ACSBG1: variants seen among roughly 807,000 people sequenced by gnomAD.
The protein encoded by ACSBG1 is long-chain-fatty-acid--CoA ligase ACSBG1.
In ACSBG1, 39 loss-of-function variants were observed where a neutral mutation model predicts 80.2. That is an observed-to-expected ratio of 0.49 (90% CI 0.38 to 0.64). The LOEUF is 0.64. Among genes scored for constraint, ACSBG1 ranks in the 30% least tolerant of loss-of-function variants. ACSBG1 has a pLI of 0.00. For synonymous variants in ACSBG1, 392 were observed against 379.5 expected, an observed-to-expected ratio of 1.03 and a Z score of -0.38; for missense variants, 828 against 966.4, an observed-to-expected ratio of 0.86 and a Z score of 1.90.
At position 78,174,376 on chromosome 15, in the gene ACSBG1, C is replaced by G. The variant is rs368704423; in HGVS notation, c.1842+9G>C. 51 of 1,614,090 alleles carry G rather than the reference C, an allele frequency of 3.2e-5. No homozygotes were observed. The highest frequency in any genetic ancestry group is 4.2e-5 in the Non-Finnish European group (49 of 1,180,038). On this transcript the variant is annotated intron_variant, in intron 12 of 13. Coordinates refer to ENST00000258873, the MANE Select transcript of ACSBG1 (RefSeq NM_015162.5). The stretch of plus-strand genomic sequence containing the variant: ...CTGCTCCTTCTGAGCTGGAGCCCCC[C>G]AGACACACCTTCAAGGTGAGCAGCA...
intron 2 of ACSBG1, 85 bp downstream of exon 2, chr15:78,207,917 T>TCCCCCCCACCACCCCCCC: frequency 4.6e-6 from 4 of 876,064 alleles, no homozygotes; most frequent in Admixed American, 2.0e-5. Flanking sequence ...TGTGTGGTGG[T>TCCCCCCCACCACCCCCCC]CCCCCACACC....
intron 1 of ACSBG1, among the ~76,000 whole-genome samples, chr15:78,232,760 C>CGGG (rs2075457600): frequency 6.6e-6 from 1 of 151,850 alleles, no homozygotes; most frequent in East Asian, 1.9e-4. Flanking sequence ...TCTTGACTCA[C>CGGG]TGCAATTTCC....
At chr15:78,179,443 C>G in intron 10 of ACSBG1, 107 bp downstream of exon 10, 1 of 1,068,546 alleles carries the variant, frequency 9.4e-7, no homozygotes, top group Admixed American at 2.2e-5. Context: ...CTCTGGGACC[C>G]AACTGGCATG....
intron 10 of ACSBG1, 197 bp from the exon 11 acceptor site, chr15:78,179,028 G>A: frequency 1.2e-5 from 7 of 581,510 alleles, no homozygotes; most frequent in South Asian, 6.6e-5. Flanking sequence ...AAGGAAGGAA[G>A]GAACAAATGA....
In ACSBG1 at chr15:78,178,719, C is replaced by T. The variant is rs114352168; in HGVS notation, c.1597G>A (p.Glu533Lys). 421 of 1,614,158 alleles carry T rather than the reference C, an allele frequency of 2.6e-4. 2 individuals carry two copies. In the African/African-American group the frequency reaches 5.2e-3, roughly 20 times the overall value. The change falls in exon 11 of 14, where the codon GAG becomes AAG. Residue 533 changes from glutamate (E) to lysine (K), a missense_variant. Glu to Lys is a moderately conservative substitution (Grantham distance 56, BLOSUM62 1). Coordinates refer to ENST00000258873, the MANE Select transcript of ACSBG1 (RefSeq NM_015162.5). The surrounding 1 kb of genome is among the most constrained non-coding windows in gnomAD (Gnocchi z 4.3). ...TCGATGGCCTCACAAGTCTTGTCCT[C>T]CATGTTCAGGTAGCCCATGAATATG... ...RTIFMGYLNM[E>K]DKTCEAIDEE...
At chr15:78,207,639 C>CA (rs1231916984) in intron 2 of ACSBG1, 1 of 255,438 alleles carries the variant, frequency 3.9e-6, no homozygotes, top group East Asian at 7.8e-5. Flanking sequence ...CCAAAAATCC[C>CA]AAGGCATTGC....
rs553734865 is a variant in ACSBG1, at chr15:78,187,369, C to CA, written c.664-4585dup. Among the ~76,000 whole-genome samples the CA allele has an allele frequency of 7.7e-3, 1,168 of 151,952 alleles. 24 individuals carry two copies. The highest frequency in any genetic ancestry group is 0.027 in the African/African-American group (1,109 of 41,474). ...TACCAAAGCCTGGCAGAGACACAAC[C>CA]AAAAAAGAGAATTTTAGACCAATAT... On this transcript the variant is annotated intron_variant, in intron 5 of 13. Coordinates refer to ENST00000258873, the MANE Select transcript of ACSBG1 (RefSeq NM_015162.5).
Position 78,172,957 on chromosome 15 carries a change from G to A in ACSBG1, c.2089+636C>T, listed in dbSNP as rs1174130251. On this transcript the variant is annotated intron_variant, in intron 13 of 13. Coordinates refer to ENST00000258873, the MANE Select transcript of ACSBG1 (RefSeq NM_015162.5). This position sits in a 1 kb window ranked among gnomAD's most constrained non-coding sequence, Gnocchi z 4.1. Reference sequence around the variant, plus strand: ...TGACTCCAGGCTGAACACTAGCAGGGCCTTGGTGTTGGCCTGGTAGTTCCA... The same window carrying A: ...TGACTCCAGGCTGAACACTAGCAGGACCTTGGTGTTGGCCTGGTAGTTCCA... 6.6e-6 allele frequency among the ~76,000 whole-genome samples: 1 copy of A among 152,222 alleles called. No individual in the cohort carries two copies. Among genetic ancestry groups the A allele is most frequent in the African/African-American group, 2.4e-5 (1 of 41,456 alleles).
chr15:78,194,147 G>T, intron 3 of ACSBG1, 127 bp from the exon 4 acceptor site: 1 of 891,534 alleles, frequency 1.1e-6, no homozygotes, highest in Non-Finnish European at 1.8e-6. Context: ...CCCTCAGTCA[G>T]AGAATCCCCT....
intron 5 of ACSBG1, among the ~76,000 whole-genome samples, chr15:78,187,715 A>G (rs1296191720): frequency 6.6e-6 from 1 of 152,224 alleles, no homozygotes; most frequent in Non-Finnish European, 1.5e-5. Context: ...CACAGCCAAT[A>G]TCATGCTGAA....
At chr15:78,207,596 C>T (rs113143305) in intron 2 of ACSBG1, 139 of 211,358 alleles carry the variant, frequency 6.6e-4, no homozygotes, top group Non-Finnish European at 1.8e-4. Context: ...TAGCCTGCAC[C>T]CGTCTGCCTG....
Position 78,220,259 on chromosome 15 carries a change from G to A in ACSBG1, c.132-12157C>T, listed in dbSNP as rs146431248. Among the ~76,000 whole-genome samples the A allele has an allele frequency of 5.4e-3, 829 of 152,318 alleles. 3 individuals are homozygous for A. Among genetic ancestry groups the A allele is most frequent in the Admixed American group, 9.6e-3 (147 of 15,304 alleles). Reference sequence around the variant, plus strand: ...AATATTTGTCTTTTCAACAAATAATGCTGGGACATGTGCCAAAAATAAATA... The same window carrying A: ...AATATTTGTCTTTTCAACAAATAATACTGGGACATGTGCCAAAAATAAATA... On this transcript the variant is annotated intron_variant, in intron 1 of 13. Transcript: ENST00000258873.
At chr15:78,222,010 T>C (rs1164041404) in intron 1 of ACSBG1, among the ~76,000 whole-genome samples, 2 of 152,168 alleles carry the variant, frequency 1.3e-5, no homozygotes, top group Non-Finnish European at 2.9e-5. Flanking sequence ...ATAGACACAG[T>C]AACAATCTGA....
chr15:78,169,074 C>T lies in ACSBG1; in HGVS notation c.*2370G>A. 1 of 928,610 alleles carries T rather than the reference C, an allele frequency of 1.1e-6. No homozygotes were observed. Among genetic ancestry groups the T allele is most frequent in the Non-Finnish European group, 1.7e-6 (1 of 586,726 alleles). 57.5% of individuals were successfully genotyped at this position (928,610 alleles called of 1,614,324 possible). ...CCACATGAACCTCTGTTTAGAATAC[C>T]TACGTATGTATGCATTGGTTTGCTT... is the stretch of plus-strand genomic sequence containing the variant. On this transcript the variant is annotated 3_prime_UTR_variant, in exon 14 of 14. Coordinates refer to ENST00000258873, the MANE Select transcript of ACSBG1 (RefSeq NM_015162.5).
chr15:78,204,289 T>C (rs894950400), intron 2 of ACSBG1, among the ~76,000 whole-genome samples: 6 of 152,196 alleles, frequency 3.9e-5, no homozygotes, highest in Admixed American at 1.3e-4. Flanking sequence ...TGTCCAGGCC[T>C]GGACCACCGG....
chr15:78,198,887 G>A (rs1157904219), intron 2 of ACSBG1, among the ~76,000 whole-genome samples: 1 of 152,142 alleles, frequency 6.6e-6, no homozygotes, highest in Non-Finnish European at 1.5e-5. Context: ...GGACCAGGCG[G>A]GTAGTGTATC....
chr15:78,207,917 T>TCCCCCACCCCCCCCCCCCCC, intron 2 of ACSBG1, 85 bp downstream of exon 2: 1 of 876,066 alleles, frequency 1.1e-6, no homozygotes, highest in Admixed American at 2.0e-5. Flanking sequence ...TGTGTGGTGG[T>TCCCCCACCCCCCCCCCCCCC]CCCCCACACC....
At chr15:78,207,447 GTATTAT>G (rs549835497) in intron 2 of ACSBG1, among the ~76,000 whole-genome samples, 19 of 152,120 alleles carry the variant, frequency 1.2e-4, no homozygotes, top group South Asian at 1.0e-3. Flanking sequence ...CACAAAAGAT[GTATTAT>G]TATTATTATT....
At chr15:78,223,125 A>T (rs1387184758) in intron 1 of ACSBG1, among the ~76,000 whole-genome samples, 1 of 152,080 alleles carries the variant, frequency 6.6e-6, no homozygotes, top group African/African-American at 2.4e-5. Flanking sequence ...TTGCCACCTG[A>T]CTCTCTCAGG....
Sources: gnomAD v4.1 joint callset for allele counts (sites outside exome capture counted in the v4.1 genomes callset) on GRCh38, gnomAD v4.1.1 for gene constraint, Gnocchi (gnomAD v3.1) non-coding constraint, MANE v1.5 for transcripts, NCBI Gene and HGNC (gene_info 2026-07-23, HGNC 2026-07-21) for gene names.